The following DPYD variants were observed in gnomAD, a reference collection of about 807,000 sequenced individuals.
DPYD encodes dihydropyrimidine dehydrogenase.
A neutral mutation model predicts 116.2 loss-of-function variants in DPYD; 109 were observed. The ratio of observed to expected loss-of-function variants is 0.94; its 90% confidence interval spans 0.80 to 1.10. DPYD has a LOEUF of 1.10. Among genes scored for constraint, DPYD ranks in the 50% least tolerant of loss-of-function variants. DPYD has a pLI of 0.00. For synonymous variants in DPYD, 440 were observed against 432.0 expected (o/e 1.02, Z -0.23); for missense variants, 1,302 against 1,254.5 (o/e 1.04, Z -0.57).
At chr1:97,306,879 AC>A (rs1351524844) in intron 16 of DPYD, among the ~76,000 whole-genome samples, 2 of 152,082 alleles carry the variant, frequency 1.3e-5, no homozygotes, top group African/African-American at 4.8e-5. Flanking sequence ...ACTTTAATTT[AC>A]TTTTGTAAAT....
chr1:97,575,271 G>A (rs1653191531), intron 10 of DPYD, among the ~76,000 whole-genome samples: 2 of 152,026 alleles, frequency 1.3e-5, no homozygotes, highest in African/African-American at 2.4e-5. Flanking sequence ...CAGGAATATT[G>A]CCCCTAGGGA....
intron 10 of DPYD, among the ~76,000 whole-genome samples, chr1:97,587,006 A>G (rs1452954276): frequency 6.6e-6 from 1 of 152,216 alleles, no homozygotes; most frequent in Non-Finnish European, 1.5e-5. Flanking sequence ...AAACTTTAAG[A>G]AGCATATAAT....
intron 20 of DPYD, among the ~76,000 whole-genome samples, chr1:97,099,580 G>A (rs989790591): frequency 2.6e-5 from 4 of 151,972 alleles, no homozygotes; most frequent in South Asian, 2.1e-4. Context: ...GTTTTGTGTC[G>A]GCCTGTAACC....
intron 12 of DPYD, among the ~76,000 whole-genome samples, chr1:97,536,390 C>T (rs1264783153): frequency 6.6e-6 from 1 of 152,148 alleles, no homozygotes; most frequent in Non-Finnish European, 1.5e-5. Context: ...GAGTTTGCAA[C>T]ATATCTTAAA....
chr1:97,095,947 G>C (rs1650216591), intron 21 of DPYD: 1 of 152,078 alleles, frequency 6.6e-6, no homozygotes, highest in Non-Finnish European at 1.5e-5. Context: ...TACCACAGCT[G>C]CCCATTAAGA....
chr1:97,207,915 T>C (rs1659755470), intron 19 of DPYD, among the ~76,000 whole-genome samples: 1 of 152,164 alleles, frequency 6.6e-6, no homozygotes, highest in Non-Finnish European at 1.5e-5. Flanking sequence ...AGTTCAACAC[T>C]TCATCAAATT....
intron 18 of DPYD, among the ~76,000 whole-genome samples, chr1:97,241,208 G>A (rs1212374032): frequency 6.6e-6 from 1 of 151,900 alleles, no homozygotes; most frequent in African/African-American, 2.4e-5. Flanking sequence ...CCTAGCATGT[G>A]TCAGGCATTT....
rs552116373 is a variant in DPYD at position 97,614,136 on chromosome 1, A to T, written c.851-18970T>A. ...GGCAAATCTTCAAAGTTTATTAAAA[A>T]TTTTTTAAAGTTTTATGACAGGGTG... On this transcript the variant is annotated intron_variant, in intron 8 of 22. Coordinates refer to ENST00000370192, the MANE Select transcript of DPYD (RefSeq NM_000110.4). Among the ~76,000 whole-genome samples the T allele has an allele frequency of 6.8e-4, 103 of 152,178 alleles. 1 individual carries two copies. The highest frequency in any genetic ancestry group is 6.8e-3 in the Middle Eastern group (2 of 294).
intron 1 of DPYD, among the ~76,000 whole-genome samples, chr1:97,888,481 T>G (rs1194065812): frequency 6.6e-6 from 1 of 151,948 alleles, no homozygotes; most frequent in Non-Finnish European, 1.5e-5. Context: ...ATTTATTTTT[T>G]TTTTAATAAA....
chr1:97,381,954 A>G (rs779349621), intron 15 of DPYD, among the ~76,000 whole-genome samples: 1 of 152,198 alleles, frequency 6.6e-6, no homozygotes, highest in Non-Finnish European at 1.5e-5. Context: ...AATAGTATTA[A>G]ATGAACCTTT....
Position 97,527,235 on chromosome 1 carries a change from C to T in DPYD, c.1525-11294G>A, listed in dbSNP as rs190310090. On this transcript the variant is annotated intron_variant, in intron 12 of 22. Transcript: ENST00000370192. ...CTGGGACCACAGGCGCCTGCCACCA[C>T]GCCCAGCTAATTTTTGTATTTTTTG... Among the ~76,000 whole-genome samples the T allele has an allele frequency of 1.6e-4, 25 of 152,076 alleles. No individual in the cohort carries two copies. In the East Asian group the frequency reaches 1.7e-3, roughly 11 times the overall value.
intron 16 of DPYD, chr1:97,308,443 C>T (rs1558016839): frequency 6.6e-6 from 1 of 151,688 alleles, no homozygotes; most frequent in African/African-American, 2.4e-5. Context: ...AGTTTGGCTA[C>T]CTGAGAATTT....
chr1:97,425,026 T>A (rs2101710093), intron 14 of DPYD, among the ~76,000 whole-genome samples: 1 of 152,190 alleles, frequency 6.6e-6, no homozygotes, highest in East Asian at 1.9e-4. Context: ...TTTCACAGAC[T>A]CTGCCCTAGA....
chr1:97,460,334 T>C (rs968883531), intron 13 of DPYD, among the ~76,000 whole-genome samples: 4 of 152,182 alleles, frequency 2.6e-5, no homozygotes, highest in Non-Finnish European at 5.9e-5. Flanking sequence ...TCCTTTGGGA[T>C]TACAGATCCC....
At chr1:97,876,056 T>C (rs920963244) in intron 2 of DPYD, among the ~76,000 whole-genome samples, 3 of 152,106 alleles carry the variant, frequency 2.0e-5, no homozygotes, top group African/African-American at 4.8e-5. Context: ...TTAAATTAAC[T>C]TGGGGATAGG....
intron 18 of DPYD, among the ~76,000 whole-genome samples, chr1:97,253,504 T>C (rs1205827747): frequency 1.3e-5 from 2 of 152,102 alleles, no homozygotes; most frequent in African/African-American, 4.8e-5. Context: ...AGAGCTAAGG[T>C]TTTGCTAAGT....
intron 8 of DPYD, among the ~76,000 whole-genome samples, chr1:97,615,093 A>G (rs1004199619): frequency 6.6e-6 from 1 of 152,162 alleles, no homozygotes; most frequent in Non-Finnish European, 1.5e-5. Flanking sequence ...GGAAACTTGC[A>G]TAACACTGCT....
At chr1:97,847,431 GA>G (rs1426074536) in intron 2 of DPYD, among the ~76,000 whole-genome samples, 2 of 152,032 alleles carry the variant, frequency 1.3e-5, no homozygotes, top group East Asian at 1.9e-4. Flanking sequence ...ATCATTCTTT[GA>G]AAAAGGATTC....
chr1:97,888,050 CTT>C (rs947220082), intron 1 of DPYD, among the ~76,000 whole-genome samples: 31 of 152,130 alleles, frequency 2.0e-4, no homozygotes, highest in African/African-American at 7.5e-4. Flanking sequence ...TCGGGCAGTT[CTT>C]TACAGCAGCA....
Sources: gnomAD v4.1 joint callset for allele counts (sites outside exome capture counted in the v4.1 genomes callset) on GRCh38, gnomAD v4.1.1 for gene constraint, MANE v1.5 for transcripts, NCBI Gene and HGNC (gene_info 2026-07-23, HGNC 2026-07-21) for gene names.